The following ABI3BP variants were observed in gnomAD, a reference collection of about 807,000 sequenced individuals.
ABI3BP encodes target of Nesh-SH3.
ABI3BP carries 216 observed loss-of-function variants against 268.6 expected under a neutral mutation model. The ratio of observed to expected loss-of-function variants is 0.80; its 90% CI spans 0.72 to 0.90. The LOEUF is 0.90. Ranked by LOEUF, ABI3BP falls within the 40% of genes least tolerant of loss-of-function variation. ABI3BP has a pLI of 0.00. For synonymous variants in ABI3BP, 730 were observed against 730.0 expected (o/e 1.00, Z 0.00); for missense variants, 2,090 against 2,182.4 (o/e 0.96, Z 0.84).
intron 1 of ABI3BP, among the ~76,000 whole-genome samples, chr3:100,970,382 C>A (rs1267893465): frequency 6.6e-6 from 1 of 152,136 alleles, no homozygotes; most frequent in Non-Finnish European, 1.5e-5. Context: ...GCTACAGTTC[C>A]TTCCAAAGGG....
intron 14 of ABI3BP, among the ~76,000 whole-genome samples, chr3:100,859,052 C>A (rs987476792): frequency 6.6e-6 from 1 of 152,194 alleles, no homozygotes; most frequent in Non-Finnish European, 1.5e-5. Flanking sequence ...TTCCCTCAAT[C>A]ATTTAACACA....
intron 9 of ABI3BP, among the ~76,000 whole-genome samples, chr3:100,867,735 C>A (rs77809550): frequency 0.035 from 5,342 of 150,666 alleles, 294 homozygotes; most frequent in East Asian, 0.16. Context: ...ACCACAAACA[C>A]CACACATAGG....
intron 22 of ABI3BP, 113 bp downstream of exon 22, chr3:100,840,703 TCACA>T: frequency 2.4e-6 from 2 of 822,900 alleles, no homozygotes; most frequent in Non-Finnish European, 3.6e-6. Flanking sequence ...AACAGAGCAC[TCACA>T]CACACACACA....
rs67552039 is a variant in ABI3BP, at chr3:100,854,930, G to GT, written c.1286-2991dup. Among the ~76,000 whole-genome samples, 244 of 149,158 alleles carry GT rather than the reference G, an allele frequency of 1.6e-3. 4 individuals are homozygous for GT. The Middle Eastern group carries it at 0.017, about 11-fold the overall frequency. Reference sequence around the variant, plus strand: ...TCTTAAAACTACTTTGTTAAATCATGTTTTTTTTTTTCTCCAGATGGAATC... The same window carrying GT: ...TCTTAAAACTACTTTGTTAAATCATGTTTTTTTTTTTTCTCCAGATGGAATC... On this transcript the variant is annotated intron_variant, in intron 14 of 67. Transcript: ENST00000471714.
rs984439880 is a variant in ABI3BP at position 100,832,263 on chromosome 3, C to T, written c.2401+1G>A. 3.3e-6 allele frequency: 5 copies of T among 1,535,044 alleles called. No individual in the cohort carries two copies. In the Admixed American group the frequency reaches 9.8e-5, roughly 30 times the overall value. On this transcript the variant is annotated splice_donor_variant, in intron 31 of 67. Coordinates refer to ENST00000471714, the MANE Select transcript of ABI3BP (RefSeq NM_001375547.2). LOFTEE classifies it high-confidence loss of function. ...CTACAAAACAGAAACTACATATTTA[C>T]CCAGTTTAGTTTGAGGTACTTCTGG...
intron 1 of ABI3BP, among the ~76,000 whole-genome samples, chr3:100,954,070 T>A (rs1355922095): frequency 6.6e-6 from 1 of 152,200 alleles, no homozygotes; most frequent in East Asian, 1.9e-4. Flanking sequence ...CAGTGACCTC[T>A]AGGCATTATA....
At chr3:100,811,178 T>C in intron 48 of ABI3BP, 52 bp downstream of exon 48, 1 of 1,435,448 alleles carries the variant, frequency 7.0e-7, no homozygotes, top group Non-Finnish European at 9.4e-7. Context: ...TCTCAGGCGA[T>C]GGTGGCAATG....
intron 2 of ABI3BP, among the ~76,000 whole-genome samples, chr3:100,926,005 A>G (rs2061693337): frequency 6.6e-6 from 1 of 152,176 alleles, no homozygotes; most frequent in Non-Finnish European, 1.5e-5. Context: ...AAACTAGTCC[A>G]CATAAAATAT....
rs60261694 is a variant in ABI3BP, at chr3:100,841,194, C to CTTTTTTTTTTTTTTTTT, written c.1766-353_1766-337dup. 7.8e-4 allele frequency among the ~76,000 whole-genome samples: 31 copies of CTTTTTTTTTTTTTTTTT among 39,632 alleles called. 5 individuals are homozygous for CTTTTTTTTTTTTTTTTT. The highest frequency in any genetic ancestry group is 9.0e-4 in the Non-Finnish European group (21 of 23,312). The allele number at this position is 39,632 out of a possible 152,430, so 26.0% of individuals were successfully genotyped here. ...AATTGGCTAAGATGGCATTAGAACA[C>CTTTTTTTTTTTTTTTTT]TTTTTTTTTTTTTTTTTTTTTTTTT... On this transcript the variant is annotated intron_variant, in intron 21 of 67. Coordinates refer to ENST00000471714, the MANE Select transcript of ABI3BP (RefSeq NM_001375547.2).
intron 2 of ABI3BP, among the ~76,000 whole-genome samples, chr3:100,913,833 T>A (rs942325418): frequency 3.9e-5 from 6 of 152,168 alleles, no homozygotes; most frequent in African/African-American, 4.8e-5. Flanking sequence ...TGAAGAAAGC[T>A]ATAAGAGGCT....
At chr3:100,915,498 A>C (rs554018014) in intron 2 of ABI3BP, among the ~76,000 whole-genome samples, 8 of 152,256 alleles carry the variant, frequency 5.3e-5, no homozygotes, top group African/African-American at 1.9e-4. Context: ...AAGTCGCTGA[A>C]TAGGGATGGG....
Position 100,914,368 on chromosome 3 carries a change from T to A in ABI3BP, c.260-11682A>T. 11 of 437,648 alleles carry A rather than the reference T, an allele frequency of 2.5e-5. 1 individual carries two copies. The highest frequency in any genetic ancestry group is 1.8e-4 in the South Asian group (11 of 61,028). 27.1% of individuals were successfully genotyped at this position (437,648 alleles called of 1,614,324 possible). The stretch of plus-strand genomic sequence containing the variant: ...TTCTGGCTTATCTCAGTCTTTAAGA[T>A]GCAGTCTGCGGAACAGGCCCCTGGC... On this transcript the variant is annotated intron_variant, in intron 2 of 67. Coordinates refer to ENST00000471714, the MANE Select transcript of ABI3BP (RefSeq NM_001375547.2).
intron 3 of ABI3BP, 56 bp from the exon 4 acceptor site, chr3:100,898,950 A>T (rs994930109): frequency 1.3e-6 from 2 of 1,518,764 alleles, no homozygotes; most frequent in African/African-American, 2.8e-5. Flanking sequence ...AGTTGCCATG[A>T]TTCGGGTAAA....
At chr3:100,800,348 G>GA (rs1042912428) in intron 51 of ABI3BP, among the ~76,000 whole-genome samples, 3 of 151,440 alleles carry the variant, frequency 2.0e-5, no homozygotes, top group Non-Finnish European at 4.4e-5. Flanking sequence ...ATTGTCTAAA[G>GA]AAAAAAAATT....
chr3:100,859,816 G>A (rs915423885), intron 14 of ABI3BP, among the ~76,000 whole-genome samples: 1 of 152,140 alleles, frequency 6.6e-6, no homozygotes, highest in African/African-American at 2.4e-5. Flanking sequence ...GAGGCCTATG[G>A]TGCTATAACC....
At chr3:100,910,234 G>C (rs2055709039) in intron 2 of ABI3BP, among the ~76,000 whole-genome samples, 1 of 152,034 alleles carries the variant, frequency 6.6e-6, no homozygotes, top group East Asian at 1.9e-4. Flanking sequence ...ACAGGGAGGG[G>C]AACATCACAC....
intron 31 of ABI3BP, among the ~76,000 whole-genome samples, chr3:100,830,914 G>A (rs965371781): frequency 6.6e-6 from 1 of 152,156 alleles, no homozygotes; most frequent in East Asian, 1.9e-4. Flanking sequence ...ACCATGATTC[G>A]AATGAACACT....
At chr3:100,764,996 A>C (rs529955738) in intron 63 of ABI3BP, among the ~76,000 whole-genome samples, 164 of 152,290 alleles carry the variant, frequency 1.1e-3, no homozygotes, top group African/African-American at 3.8e-3. Flanking sequence ...TCCCTTTTCT[A>C]CAAAAAGATC....
At chr3:100,971,096 A>G (rs1401497688) in intron 1 of ABI3BP, among the ~76,000 whole-genome samples, 1 of 152,218 alleles carries the variant, frequency 6.6e-6, no homozygotes, top group Non-Finnish European at 1.5e-5. Flanking sequence ...CTCTAAATAT[A>G]CAGCATTCCT....
Sources: gnomAD v4.1 joint callset for allele counts (sites outside exome capture counted in the v4.1 genomes callset) on GRCh38, gnomAD v4.1.1 for gene constraint, MANE v1.5 for transcripts, NCBI Gene and HGNC (gene_info 2026-07-23, HGNC 2026-07-21) for gene names.